NOL4: variants seen among roughly 807,000 people sequenced by gnomAD.
The protein encoded by NOL4 is nucleolar protein 4.
In NOL4, 17 loss-of-function variants were observed where a neutral mutation model predicts 75.9. The ratio of observed to expected loss-of-function variants is 0.22; its 90% CI spans 0.15 to 0.34. The LOEUF is 0.34. Ranked by LOEUF, NOL4 falls within the 10% of genes least tolerant of loss-of-function variation. The pLI, the probability that NOL4 is intolerant of heterozygous loss-of-function variation, is 1.00. For synonymous variants in NOL4, 292 were observed against 289.9 expected, an observed-to-expected ratio of 1.01 and a Z score of -0.07; for missense variants, 614 against 793.5, an observed-to-expected ratio of 0.77 and a Z score of 2.72.
At chr18:34,078,853 G>A (rs2077864211) in intron 5 of NOL4, among the ~76,000 whole-genome samples, 1 of 152,122 alleles carries the variant, frequency 6.6e-6, no homozygotes, top group Non-Finnish European at 1.5e-5. Flanking sequence ...TAAATTTAAG[G>A]TAGCTGTGAA....
At chr18:33,990,533 T>C (rs1173614601) in intron 6 of NOL4, among the ~76,000 whole-genome samples, 1 of 152,096 alleles carries the variant, frequency 6.6e-6, no homozygotes, top group East Asian at 1.9e-4. Context: ...TGCATGGTTG[T>C]CCAAATCCTA....
At chr18:34,064,756 G>A (rs1265377991) in intron 5 of NOL4, among the ~76,000 whole-genome samples, 1 of 151,780 alleles carries the variant, frequency 6.6e-6, no homozygotes, top group Non-Finnish European at 1.5e-5. Context: ...TCTGTGGTTT[G>A]TCTTTATGTA....
At chr18:33,935,051 A>C (rs1476855951) in intron 9 of NOL4, among the ~76,000 whole-genome samples, 2 of 151,708 alleles carry the variant, frequency 1.3e-5, no homozygotes, top group African/African-American at 4.8e-5. Flanking sequence ...TTTTGTAGAG[A>C]TGGGGGTCTC....
chr18:34,173,311 T>A (rs2033223156), intron 1 of NOL4, among the ~76,000 whole-genome samples: 1 of 152,076 alleles, frequency 6.6e-6, no homozygotes, highest in Admixed American at 6.6e-5. Context: ...GTTCTATAGA[T>A]CTAATGTACA....
intron 8 of NOL4, among the ~76,000 whole-genome samples, chr18:33,953,067 A>G (rs2069359169): frequency 6.6e-6 from 1 of 152,004 alleles, no homozygotes; most frequent in Admixed American, 6.6e-5. Context: ...GAGCCTCTTA[A>G]GTGCTGGAGT....
intron 10 of NOL4, among the ~76,000 whole-genome samples, chr18:33,878,483 C>G (rs748701392): frequency 6.6e-6 from 1 of 152,170 alleles, no homozygotes; most frequent in South Asian, 2.1e-4. Context: ...TAGGTTAATT[C>G]TCTACAGTCA....
intron 1 of NOL4, among the ~76,000 whole-genome samples, chr18:34,166,326 A>G (rs1449749225): frequency 6.6e-6 from 1 of 152,170 alleles, no homozygotes; most frequent in Non-Finnish European, 1.5e-5. Flanking sequence ...ACATAAAAAT[A>G]GCCAACTTGT....
chr18:34,070,189 G>A (rs1345038560), intron 5 of NOL4, among the ~76,000 whole-genome samples: 1 of 152,262 alleles, frequency 6.6e-6, no homozygotes, highest in Non-Finnish European at 1.5e-5. Flanking sequence ...CTGCCACTGC[G>A]CCCAGCTAAT....
At chr18:34,120,207 G>T (rs980883457) in intron 2 of NOL4, among the ~76,000 whole-genome samples, 1 of 152,066 alleles carries the variant, frequency 6.6e-6, no homozygotes, top group African/African-American at 2.4e-5. Context: ...GAAGTGATAG[G>T]GTAGGTGGAA....
intron 1 of NOL4, among the ~76,000 whole-genome samples, chr18:34,186,866 T>A (rs1340493560): frequency 6.6e-6 from 1 of 152,174 alleles, no homozygotes; most frequent in East Asian, 1.9e-4. Context: ...TTTAGTGAAG[T>A]TGTAAGTTCA....
At chr18:34,139,063 G>A (rs943500202) in intron 1 of NOL4, among the ~76,000 whole-genome samples, 67 of 152,182 alleles carry the variant, frequency 4.4e-4, no homozygotes, top group Non-Finnish European at 2.1e-4. Flanking sequence ...TTGATGTGCT[G>A]CTGGATTTGA....
intron 1 of NOL4, among the ~76,000 whole-genome samples, chr18:34,159,087 C>T (rs1386658357): frequency 6.6e-6 from 1 of 152,164 alleles, no homozygotes; most frequent in Non-Finnish European, 1.5e-5. Context: ...ACTTCAGCGG[C>T]GGCGGCTGGA....
At chr18:33,962,364 T>C (rs1459310932) in intron 6 of NOL4, among the ~76,000 whole-genome samples, 1 of 152,200 alleles carries the variant, frequency 6.6e-6, no homozygotes, top group Non-Finnish European at 1.5e-5. Context: ...AATATATAGA[T>C]GGCCCCAGCC....
chr18:33,938,543 C>G (rs1000727831), intron 9 of NOL4, among the ~76,000 whole-genome samples: 3 of 151,974 alleles, frequency 2.0e-5, no homozygotes, highest in Non-Finnish European at 4.4e-5. Flanking sequence ...TGACAATGAG[C>G]TCTTTTCATA....
intron 10 of NOL4, among the ~76,000 whole-genome samples, chr18:33,882,363 A>T (rs1246168590): frequency 2.0e-4 from 30 of 150,812 alleles, no homozygotes; most frequent in South Asian, 4.2e-4. Flanking sequence ...TTACAAGAAA[A>T]AAACAAACAA....
In NOL4 at chr18:33,852,633, C is replaced by T. The variant is rs2062672719; in HGVS notation, c.*209G>A. 4.2e-6 allele frequency: 2 copies of T among 479,466 alleles called. No individual in the cohort carries two copies. The highest frequency in any genetic ancestry group is 6.7e-5 in the East Asian group (2 of 29,660). 29.7% of individuals were successfully genotyped at this position (479,466 alleles called of 1,614,324 possible). A position where few individuals can be genotyped will look rare whatever the true frequency, so the allele number is the denominator to read the frequency against. On this transcript the variant is annotated 3_prime_UTR_variant, in exon 11 of 11. Transcript: ENST00000261592. The stretch of plus-strand genomic sequence containing the variant: ...CTAAAACAAAAAGCAATAGGCTGGA[C>T]ATACTAAAGTAGCTCAAGTACTTCA...
chr18:34,040,507 A>G (rs2076095431), intron 5 of NOL4, among the ~76,000 whole-genome samples: 1 of 151,994 alleles, frequency 6.6e-6, no homozygotes, highest in Admixed American at 6.6e-5. Context: ...TCTATATTTT[A>G]TTAATATACT....
At chr18:34,004,260 C>T (rs114413456) in intron 6 of NOL4, among the ~76,000 whole-genome samples, 1,772 of 152,082 alleles carry the variant, frequency 0.012, 32 homozygotes, top group African/African-American at 0.04. Context: ...TTCCTAAAAA[C>T]GTATAAAACT....
At chr18:33,938,341 C>T (rs62097803) in intron 9 of NOL4, among the ~76,000 whole-genome samples, 1 of 152,002 alleles carries the variant, frequency 6.6e-6, no homozygotes, top group South Asian at 2.1e-4. Context: ...CATTATTCCC[C>T]ACAATTCCAA....
Sources: gnomAD v4.1 joint callset for allele counts (sites outside exome capture counted in the v4.1 genomes callset) on GRCh38, gnomAD v4.1.1 for gene constraint, MANE v1.5 for transcripts, NCBI Gene and HGNC (gene_info 2026-07-23, HGNC 2026-07-21) for gene names.